The following DCAF10 variants were observed in gnomAD, a reference collection of about 807,000 sequenced individuals.
DCAF10 encodes the protein DDB1- and CUL4-associated factor 10.
DCAF10 carries 19 observed loss-of-function variants against 51.9 expected under a neutral mutation model. The ratio of observed to expected loss-of-function variants is 0.37; its 90% CI spans 0.26 to 0.54. DCAF10 has a LOEUF of 0.54. Ranked by LOEUF, DCAF10 falls within the 20% of genes least tolerant of loss-of-function variation. DCAF10 has a pLI of 0.87. For synonymous variants in DCAF10, 291 were observed against 297.1 expected (o/e 0.98, Z 0.21); for missense variants, 510 against 730.6 (o/e 0.70, Z 3.48).
intron 2 of DCAF10, among the ~76,000 whole-genome samples, chr9:37,826,971 A>C (rs1829871595): frequency 6.6e-6 from 1 of 151,936 alleles, no homozygotes; most frequent in Non-Finnish European, 1.5e-5. Flanking sequence ...GATTACAGGC[A>C]TGTGCCACCA....
At chr9:37,830,410 TAC>T (rs1829972498) in intron 2 of DCAF10, among the ~76,000 whole-genome samples, 1 of 152,226 alleles carries the variant, frequency 6.6e-6, no homozygotes, top group African/African-American at 2.4e-5. Context: ...ATTAAACATT[TAC>T]AGAGAAAAAA....
rs115866736 is a variant in DCAF10 at position 37,811,956 on chromosome 9, G to A, written c.540-7332G>A. 7.4e-3 allele frequency among the ~76,000 whole-genome samples: 1,126 copies of A among 152,302 alleles called. 17 individuals carry two copies. The highest frequency in any genetic ancestry group is 0.026 in the African/African-American group (1,073 of 41,556). ...AATCCCAGCACTTATGGAGGCTGAG[G>A]TAGTTGGATCTCTTGAGCTCAGGAG... On this transcript the variant is annotated intron_variant, in intron 1 of 6. Transcript: ENST00000377724.
At chr9:37,822,198 A>G (rs1042201509) in intron 2 of DCAF10, among the ~76,000 whole-genome samples, 1 of 152,108 alleles carries the variant, frequency 6.6e-6, no homozygotes, top group South Asian at 2.1e-4. Flanking sequence ...CGCTATGGAA[A>G]ACAGTGTGGA....
intron 2 of DCAF10, among the ~76,000 whole-genome samples, chr9:37,835,369 A>T (rs1237812880): frequency 6.6e-6 from 1 of 152,066 alleles, no homozygotes; most frequent in Non-Finnish European, 1.5e-5. Context: ...ATTTGATGCC[A>T]GGAGTTTGAG....
At chr9:37,849,052 C>A (rs1830559528) in intron 3 of DCAF10, among the ~76,000 whole-genome samples, 1 of 150,954 alleles carries the variant, frequency 6.6e-6, no homozygotes, top group Non-Finnish European at 1.5e-5. Context: ...CAATGAAACT[C>A]CTGAATCATT....
intron 1 of DCAF10, among the ~76,000 whole-genome samples, chr9:37,815,124 A>G (rs1188453356): frequency 6.6e-6 from 1 of 152,220 alleles, no homozygotes; most frequent in Non-Finnish European, 1.5e-5. Context: ...TTTGACATAT[A>G]TTCATGAAAA....
rs1351667073 is a variant in DCAF10 at position 37,854,769 on chromosome 9, T to G, written c.852-11T>G. 6.2e-7 allele frequency: 1 copy of G among 1,605,844 alleles called. No individual in the cohort carries two copies. The highest frequency in any genetic ancestry group is 8.5e-7 in the Non-Finnish European group (1 of 1,176,874). ...TAACTCTAGATTTTGTTGGCTTGGT[T>G]TCTCCTGTAGGTATACAGAAGATGG... On this transcript the variant is annotated splice_polypyrimidine_tract_variant and intron_variant, in intron 3 of 6. Transcript: ENST00000377724.
chr9:37,834,297 A>C (rs532925081), intron 2 of DCAF10, among the ~76,000 whole-genome samples: 20 of 152,154 alleles, frequency 1.3e-4, no homozygotes, highest in Non-Finnish European at 2.8e-4. Flanking sequence ...GTTTTTAATA[A>C]GTAATATTTT....
chr9:37,846,358 G>A (rs1237434908), intron 3 of DCAF10, among the ~76,000 whole-genome samples: 1 of 152,144 alleles, frequency 6.6e-6, no homozygotes, highest in Non-Finnish European at 1.5e-5. Context: ...GATTAATAAG[G>A]AGTACTATGA....
At position 37,801,098 on chromosome 9, in the gene DCAF10, G is replaced by A. The variant is rs1310932529; in HGVS notation, c.232G>A (p.Glu78Lys). 1.5e-5 allele frequency: 23 copies of A among 1,535,580 alleles called. No individual in the cohort carries two copies. Among genetic ancestry groups the A allele is most frequent in the Non-Finnish European group, 2.0e-5 (23 of 1,146,172 alleles). ...AGAGCTAGGGCTGCCTGGAGCTCCG[G>A]AGTCCTCAACTGCCTCCGCCCCGGG... ...SGELGLPGAPESSTASAPGEP... is the reference protein window; with the variant it reads ...SGELGLPGAPKSSTASAPGEP... The change falls in exon 1 of 7, where the codon GAG becomes AAG. Residue 78 changes from glutamate to lysine, a missense_variant. By Grantham distance (56) the Glu-to-Lys change is moderately conservative. Coordinates refer to ENST00000377724, the MANE Select transcript of DCAF10 (RefSeq NM_024345.5). This position sits in a 1 kb window ranked among gnomAD's most constrained non-coding sequence, Gnocchi z 5.5.
intron 2 of DCAF10, among the ~76,000 whole-genome samples, chr9:37,839,225 A>AT (rs531915344): frequency 5.3e-4 from 80 of 151,264 alleles, no homozygotes; most frequent in African/African-American, 1.8e-3. Flanking sequence ...TGCCCAGCTA[A>AT]TTTTTTTTGT....
chr9:37,816,659 G>GGGGGTGTGTGTGTGTGTGTGT (rs372664140), intron 1 of DCAF10, among the ~76,000 whole-genome samples: 26 of 144,982 alleles, frequency 1.8e-4, no homozygotes, highest in African/African-American at 3.5e-4. Context: ...CTGCACCTGG[G>GGGGGTGTGTGTGTGTGTGTGT]GTGTGTGTGT....
chr9:37,853,357 G>A (rs530372810), intron 3 of DCAF10, among the ~76,000 whole-genome samples: 123 of 139,008 alleles, frequency 8.8e-4, no homozygotes, highest in Admixed American at 1.9e-3. Context: ...AGGTTGCAGC[G>A]AGCTGAGACA....
At chr9:37,821,113 A>G (rs1829689480) in intron 2 of DCAF10, among the ~76,000 whole-genome samples, 1 of 152,020 alleles carries the variant, frequency 6.6e-6, no homozygotes, top group African/African-American at 2.4e-5. Context: ...ATACACACAC[A>G]CACACTCACA....
At chr9:37,836,944 T>C (rs73449344) in intron 2 of DCAF10, among the ~76,000 whole-genome samples, 29,116 of 152,084 alleles carry the variant, frequency 0.19, 3,196 homozygotes, top group African/African-American at 0.29. Flanking sequence ...TACTTCACAG[T>C]AGATCAAACA....
Position 37,814,597 on chromosome 9 carries a change from G to A in DCAF10, c.540-4691G>A, listed in dbSNP as rs563359545. On this transcript the variant is annotated intron_variant, in intron 1 of 6. Coordinates refer to ENST00000377724, the MANE Select transcript of DCAF10 (RefSeq NM_024345.5). ...GTCTGGCCTTTAAAGTTTAAAAATA[G>A]AAACAGAGGATATTGTGAACAACTT... Among the ~76,000 whole-genome samples, 240 of 152,088 alleles carry A rather than the reference G, an allele frequency of 1.6e-3. 1 individual carries two copies. The highest frequency in any genetic ancestry group is 2.9e-3 in the Non-Finnish European group (194 of 67,986).
At chr9:37,859,367 G>A (rs1439145187) in intron 5 of DCAF10, among the ~76,000 whole-genome samples, 1 of 152,184 alleles carries the variant, frequency 6.6e-6, no homozygotes, top group Non-Finnish European at 1.5e-5. Context: ...CGCACCTGAA[G>A]GATATAACAT....
intron 2 of DCAF10, among the ~76,000 whole-genome samples, chr9:37,836,695 A>G (rs186743634): frequency 1.1e-3 from 174 of 152,316 alleles, no homozygotes; most frequent in African/African-American, 4.0e-3. Context: ...CTGGTGTTCA[A>G]TTATTAGTTT....
In DCAF10 at chr9:37,860,038, T is replaced by C; in HGVS notation, c.1166-10T>C. The C allele has an allele frequency of 2.5e-6, 4 of 1,613,900 alleles. No individual in the cohort carries two copies. Among genetic ancestry groups the C allele is most frequent in the Non-Finnish European group, 3.4e-6 (4 of 1,179,898 alleles). ...TACAAATCCCACATCCTCATTTTCT[T>C]ATATCTCAGGAGTTTCACCACGAAA... is the stretch of plus-strand genomic sequence containing the variant. On this transcript the variant is annotated splice_polypyrimidine_tract_variant and intron_variant, in intron 5 of 6. Transcript: ENST00000377724.
Sources: gnomAD v4.1 joint callset for allele counts (sites outside exome capture counted in the v4.1 genomes callset) on GRCh38, gnomAD v4.1.1 for gene constraint, Gnocchi (gnomAD v3.1) non-coding constraint, MANE v1.5 for transcripts, NCBI Gene and HGNC (gene_info 2026-07-23, HGNC 2026-07-21) for gene names.